Variants in YES1 observed in about 807,000 individuals in gnomAD.
YES1 encodes the protein tyrosine-protein kinase Yes.
In YES1, 39 loss-of-function variants were observed where a neutral mutation model predicts 70.4. That is an observed-to-expected ratio of 0.55 (90% CI 0.43 to 0.72). The LOEUF (loss-of-function observed/expected upper bound fraction) is 0.72. YES1 is among the 30% of genes least tolerant of loss of function. The probability of loss-of-function intolerance (pLI) is 0.00; values close to 1 mark genes in which losing one functional copy is unlikely to be tolerated. For missense variants in YES1, 495 were observed against 644.8 expected (o/e 0.77, Z 2.52); for synonymous variants, 198 against 218.6 (o/e 0.91, Z 0.83).
intron 1 of YES1, among the ~76,000 whole-genome samples, chr18:761,167 A>G (rs1188139734): frequency 6.6e-6 from 1 of 152,068 alleles, no homozygotes; most frequent in Non-Finnish European, 1.5e-5. Context: ...CAAAATATGT[A>G]AAAACTGGGA....
intron 11 of YES1, among the ~76,000 whole-genome samples, chr18:732,451 A>AC (rs2080103006): frequency 1.4e-5 from 2 of 146,754 alleles, no homozygotes; most frequent in South Asian, 2.1e-4. Context: ...AAAAAAAAAA[A>AC]AAAAAACAAA....
At chr18:812,697 T>C (rs1423092290), upstream of YES1, among the ~76,000 whole-genome samples, 1 of 152,134 alleles carries the variant, frequency 6.6e-6, no homozygotes, top group Non-Finnish European at 1.5e-5. Flanking sequence ...GGAGATTGAA[T>C]GGAGCGCTCC....
chr18:742,917 C>A lies in YES1; in HGVS notation c.1060+1G>T. 1 of 1,583,790 alleles carries A rather than the reference C, an allele frequency of 6.3e-7. No individual in the cohort carries two copies. The highest frequency in any genetic ancestry group is 1.2e-5 in the South Asian group (1 of 83,476). ...ATACCTAAGGAGATACTAATACATA[C>A]CTTTTGACATAAATTCAGTGACAAT... On this transcript the variant is annotated splice_donor_variant, in intron 8 of 11. Transcript: ENST00000314574. LOFTEE classifies it high-confidence loss of function.
chr18:727,597 CTT>C (rs1555681902), intron 11 of YES1, among the ~76,000 whole-genome samples: 3 of 151,690 alleles, frequency 2.0e-5, no homozygotes, highest in African/African-American at 4.8e-5. Flanking sequence ...TTTGTCTTCT[CTT>C]GTTATTTTAG....
chr18:737,867 C>T (rs1353974589), intron 9 of YES1, among the ~76,000 whole-genome samples: 4 of 152,174 alleles, frequency 2.6e-5, no homozygotes, highest in South Asian at 2.1e-4. Flanking sequence ...CTTAGGCATG[C>T]GACACCACAC....
intron 1 of YES1, among the ~76,000 whole-genome samples, chr18:758,981 AGGAAGTAGGTGAGTGTT>A (rs1394642179): frequency 6.6e-6 from 1 of 152,222 alleles, no homozygotes; most frequent in Non-Finnish European, 1.5e-5. Flanking sequence ...GACATTCAAA[AGGAAGTAGGTGAGTGTT>A]GGCCGCCTCA....
At chr18:793,330 C>T (rs1010293289) in intron 1 of YES1, among the ~76,000 whole-genome samples, 7 of 151,882 alleles carry the variant, frequency 4.6e-5, no homozygotes, top group Admixed American at 1.3e-4. Flanking sequence ...TGAGCCACCG[C>T]GCCTGGCCAT....
intron 1 of YES1, among the ~76,000 whole-genome samples, chr18:780,407 A>G (rs773099985): frequency 2.0e-5 from 3 of 152,072 alleles, no homozygotes; most frequent in Non-Finnish European, 1.5e-5. Context: ...TGGTGGCTTT[A>G]TAAGAGGAAG....
At chr18:770,308 A>G (rs1056162534) in intron 1 of YES1, among the ~76,000 whole-genome samples, 7 of 134,500 alleles carry the variant, frequency 5.2e-5, no homozygotes, top group African/African-American at 2.0e-4. Flanking sequence ...GATTGGTATT[A>G]TTTCGTCCTT....
chr18:753,279 G>A (rs1372451855), intron 2 of YES1, among the ~76,000 whole-genome samples: 1 of 152,062 alleles, frequency 6.6e-6, no homozygotes, highest in African/African-American at 2.4e-5. Context: ...CGTATGCATT[G>A]CATCACATAT....
At chr18:776,455 C>T (rs1052114484) in intron 1 of YES1, among the ~76,000 whole-genome samples, 6 of 152,144 alleles carry the variant, frequency 3.9e-5, no homozygotes, top group African/African-American at 1.4e-4. Context: ...GGCACCTTTA[C>T]ATATGTTTAC....
At chr18:757,397 G>A (rs1904334115) in intron 1 of YES1, among the ~76,000 whole-genome samples, 1 of 151,988 alleles carries the variant, frequency 6.6e-6, no homozygotes, top group African/African-American at 2.4e-5. Context: ...CAGCTACTCG[G>A]GAGGCTGAGG....
chr18:798,185 ACTT>A (rs1427058821), intron 1 of YES1: 2 of 152,122 alleles, frequency 1.3e-5, no homozygotes, highest in African/African-American at 2.4e-5. Flanking sequence ...TTACAGAGCA[ACTT>A]CTTGTTTCAG....
At chr18:739,565 C>T in intron 9 of YES1, 170 bp downstream of exon 9, 1 of 502,066 alleles carries the variant, frequency 2.0e-6, no homozygotes, top group Non-Finnish European at 3.4e-6. Flanking sequence ...GCTATCAGTG[C>T]ACCACTGCAT....
intron 1 of YES1, among the ~76,000 whole-genome samples, chr18:806,402 C>T (rs1022584656): frequency 3.3e-5 from 5 of 152,130 alleles, no homozygotes; most frequent in Admixed American, 2.6e-4. Context: ...TAGAACAAAA[C>T]CTTGAGAGCA....
intron 1 of YES1, among the ~76,000 whole-genome samples, chr18:807,638 A>G (rs903466316): frequency 6.6e-6 from 1 of 152,264 alleles, no homozygotes; most frequent in African/African-American, 2.4e-5. Context: ...TATATAGCTG[A>G]TAACGTATTT....
chr18:807,533 C>T (rs1038745261), intron 1 of YES1, among the ~76,000 whole-genome samples: 3 of 152,062 alleles, frequency 2.0e-5, no homozygotes, highest in African/African-American at 7.2e-5. Flanking sequence ...ACAAAAGATG[C>T]GACTGCTGCT....
intron 8 of YES1, among the ~76,000 whole-genome samples, chr18:741,792 C>A (rs927598018): frequency 6.6e-6 from 1 of 151,768 alleles, no homozygotes. Context: ...TGAGGCCCCA[C>A]CTCACAAAAA....
intron 3 of YES1, 102 bp downstream of exon 3, chr18:751,603 C>T (rs1023092459): frequency 2.6e-6 from 2 of 772,624 alleles, no homozygotes; most frequent in African/African-American, 3.5e-5. Flanking sequence ...GCAGCCCATG[C>T]CCTACCTCTC....
Sources: allele counts gnomAD v4.1 joint callset (sites outside exome capture counted in the v4.1 genomes callset), GRCh38; gene constraint gnomAD v4.1.1; transcripts MANE v1.5; gene names NCBI Gene and HGNC (gene_info 2026-07-23, HGNC 2026-07-21).